The following TNRC18 variants were observed in gnomAD, a reference collection of about 807,000 sequenced individuals.
The protein encoded by TNRC18 is trinucleotide repeat-containing gene 18 protein.
A neutral mutation model predicts 226.7 loss-of-function variants in TNRC18; 69 were observed. The ratio of observed to expected loss-of-function variants is 0.30; its 90% CI spans 0.25 to 0.37. The LOEUF (loss-of-function observed/expected upper bound fraction) is 0.37, where lower values mean the gene tolerates loss of function less well. TNRC18 is among the 10% of genes least tolerant of loss of function. The pLI, the probability that TNRC18 is intolerant of heterozygous loss-of-function variation, is 1.00. For synonymous variants in TNRC18, 2,449 were observed against 1,927.6 expected (o/e 1.27, Z -7.09); for missense variants, 4,754 against 4,256.6 (o/e 1.12, Z -3.25).
At chr7:5,387,646 G>T (rs781319379) in intron 5 of TNRC18, 26 bp downstream of exon 5, 78 of 1,600,358 alleles carry the variant, frequency 4.9e-5, no homozygotes, top group Non-Finnish European at 5.8e-5. Flanking sequence ...GATCCTACCC[G>T]CACCTGGGCT....
At chr7:5,366,606 G>T (rs111343680) in intron 11 of TNRC18, among the ~76,000 whole-genome samples, 255 of 152,230 alleles carry the variant, frequency 1.7e-3, no homozygotes, top group African/African-American at 6.0e-3. Context: ...TTCCAGGCGT[G>T]AGCCACCGCG....
intron 18 of TNRC18, among the ~76,000 whole-genome samples, chr7:5,339,540 AAT>A (rs1491506145): frequency 1.0e-5 from 1 of 95,412 alleles, no homozygotes; most frequent in Non-Finnish European, 2.0e-5. Context: ...GTGCCCAGCC[AAT>A]GTGTGTGTGT....
chr7:5,337,236 G>GA (rs113053048), intron 18 of TNRC18, among the ~76,000 whole-genome samples: 3,258 of 134,056 alleles, frequency 0.024, 91 homozygotes, highest in African/African-American at 0.071. Flanking sequence ...AGGACTCAAA[G>GA]AAAAAAAAAA....
chr7:5,355,076 C>G (rs981189882), intron 16 of TNRC18, among the ~76,000 whole-genome samples: 1 of 152,210 alleles, frequency 6.6e-6, no homozygotes, highest in Non-Finnish European at 1.5e-5. Context: ...AGAACAAACA[C>G]CACTGACACT....
Position 5,375,941 on chromosome 7 carries a change from T to C in TNRC18, c.2799+93A>G, listed in dbSNP as rs1794627237. 5 of 1,297,956 alleles carry C rather than the reference T, an allele frequency of 3.9e-6. No homozygotes were observed. In the East Asian group the frequency reaches 1.0e-4, roughly 27 times the overall value. The allele number at this position is 1,297,956 out of a possible 1,614,324, so 80.4% of individuals were successfully genotyped here. On this transcript the variant is annotated intron_variant, in intron 9 of 29. Transcript: ENST00000430969. ...GCCCCTCTGCTGTTTTCTCCCTCCC[T>C]GTAACTGTCTGGAGATTCTGCTGGC...
At chr7:5,398,239 C>G (rs201959866) in intron 2 of TNRC18, among the ~76,000 whole-genome samples, 8 of 151,802 alleles carry the variant, frequency 5.3e-5, no homozygotes, top group Non-Finnish European at 4.4e-5. Context: ...GGCGCGATCT[C>G]GGCTCACCGC....
At chr7:5,360,831 G>A (rs1792957965) in intron 14 of TNRC18, among the ~76,000 whole-genome samples, 1 of 152,150 alleles carries the variant, frequency 6.6e-6, no homozygotes, top group African/African-American at 2.4e-5. Context: ...GTTTTATCCT[G>A]AGAAGAACTG....
chr7:5,422,070 ATTATTT>A (rs1040161764), intron 1 of TNRC18, among the ~76,000 whole-genome samples: 18 of 151,976 alleles, frequency 1.2e-4, no homozygotes, highest in African/African-American at 4.4e-4. Flanking sequence ...AAGCGGGTTT[ATTATTT>A]TTAAAGAGGC....
chr7:5,352,593 A>G (rs1791941553), intron 16 of TNRC18, among the ~76,000 whole-genome samples: 2 of 152,238 alleles, frequency 1.3e-5, no homozygotes, highest in Admixed American at 6.5e-5. Context: ...AGGCCACAGT[A>G]AGGGTGTTTA....
chr7:5,376,964 T>C lies in TNRC18; in HGVS notation c.2491A>G (p.Met831Val), dbSNP rs1382339974. Residue 831 changes from methionine (M) to valine (V), a missense_variant, in exon 8 of 30, where the codon ATG becomes GTG. Met to Val is a conservative substitution (Grantham distance 21). Transcript: ENST00000430969. ...AGGCCAGGTGGGAACGCAGGGGCCA[T>C]GCCCTGGTGCAGAGATGGGGGACCC... ...GLGPPSLHQG[M>V]APAFPPGLGG... The C allele has an allele frequency of 6.3e-7, 1 of 1,587,236 alleles. No homozygotes were observed. Among genetic ancestry groups the C allele is most frequent in the South Asian group, 1.1e-5 (1 of 87,118 alleles).
Position 5,377,320 on chromosome 7 carries a change from C to CCCCCCCCCCCCCCCACCCA in TNRC18, c.2461+50_2461+51insTGGGTGGGGGGGGGGGGGG. The stretch of plus-strand genomic sequence containing the variant: ...CTGAGCTCTTGTCCTGCACCCGCCC[C>CCCCCCCCCCCCCCCACCCA]CTCCCACCCCTCCCTCAGAGAAGGG... On this transcript the variant is annotated intron_variant, in intron 7 of 29. Coordinates refer to ENST00000430969, the MANE Select transcript of TNRC18 (RefSeq NM_001080495.3). This position sits in a 1 kb window ranked among gnomAD's most constrained non-coding sequence, Gnocchi z 5.8. 9.5e-7 allele frequency: 1 copy of CCCCCCCCCCCCCCCACCCA among 1,049,590 alleles called. No individual in the cohort carries two copies. Among genetic ancestry groups the CCCCCCCCCCCCCCCACCCA allele is most frequent in the Non-Finnish European group, 1.4e-6 (1 of 723,708 alleles). 65.0% of individuals were successfully genotyped at this position (1,049,590 alleles called of 1,614,324 possible). A position where few individuals can be genotyped will look rare whatever the true frequency, so the allele number is the denominator to read the frequency against.
chr7:5,359,628 G>A (rs530942894), intron 14 of TNRC18, 59 bp from the exon 15 acceptor site: 3 of 1,603,332 alleles, frequency 1.9e-6, no homozygotes, highest in Admixed American at 1.7e-5. Context: ...GCAGGCTGAG[G>A]TCCACCCTCA....
At chr7:5,399,902 C>T (rs535715950) in intron 2 of TNRC18, among the ~76,000 whole-genome samples, 11 of 150,732 alleles carry the variant, frequency 7.3e-5, no homozygotes, top group African/African-American at 2.2e-4. Flanking sequence ...ATTAGCTGGG[C>T]GTGGTGGCAG....
intron 21 of TNRC18, among the ~76,000 whole-genome samples, chr7:5,321,792 C>A (rs1428067955): frequency 6.6e-6 from 1 of 151,794 alleles, no homozygotes; most frequent in Non-Finnish European, 1.5e-5. Context: ...CTGCCTCAGC[C>A]TCCCAAGCAG....
rs1377170099 is a variant in TNRC18 at position 5,415,353 on chromosome 7, C to T, written c.187+5707G>A. Among the ~76,000 whole-genome samples, 10 of 142,518 alleles carry T rather than the reference C, an allele frequency of 7.0e-5. No homozygotes were observed. In the East Asian group the frequency reaches 2.2e-3, roughly 32 times the overall value. The allele number at this position is 142,518 out of a possible 152,430, so 93.5% of individuals were successfully genotyped here. On this transcript the variant is annotated intron_variant, in intron 2 of 29. Coordinates refer to ENST00000430969, the MANE Select transcript of TNRC18 (RefSeq NM_001080495.3). ...CAGACCTTTACCATTTTGTTTACTG[C>T]GTGGTCTGTGTCCCTCTTTTTTTTT...
At chr7:5,420,889 C>T (rs1782533794) in intron 2 of TNRC18, 171 bp downstream of exon 2, 1 of 855,824 alleles carries the variant, frequency 1.2e-6, no homozygotes, top group Middle Eastern at 2.1e-4. Flanking sequence ...CTCTCCACCG[C>T]CTTGGCTCCG....
At position 5,356,825 on chromosome 7, in the gene TNRC18, A is replaced by AG. The variant is rs869284029; in HGVS notation, c.5194+90dup. The AG allele has an allele frequency of 4.5e-4, 484 of 1,086,570 alleles. 3 individuals carry two copies. The African/African-American group carries it at 0.015, about 34-fold the overall frequency. 67.3% of individuals were successfully genotyped at this position (1,086,570 alleles called of 1,614,324 possible). A position where few individuals can be genotyped will look rare whatever the true frequency, so the allele number is the denominator to read the frequency against. ...GAGAGCGAGAGCGAGAGAGAGAGTGAGGGGCGGGGGGGGAAGGAGGACGGT... is the reference window on the plus strand; with the variant it reads ...GAGAGCGAGAGCGAGAGAGAGAGTGAGGGGGCGGGGGGGGAAGGAGGACGGT... On this transcript the variant is annotated intron_variant, in intron 16 of 29. Coordinates refer to ENST00000430969, the MANE Select transcript of TNRC18 (RefSeq NM_001080495.3).
In TNRC18 at chr7:5,414,648, G is replaced by A. The variant is rs991151940; in HGVS notation, c.187+6412C>T. 3.3e-5 allele frequency among the ~76,000 whole-genome samples: 5 copies of A among 152,036 alleles called. No individual in the cohort carries two copies. The East Asian group carries it at 5.8e-4, about 18-fold the overall frequency. ...AGGATGGTCTCGATCTCCTGACCTC[G>A]TGATCCACCCGCCTCAGCCTCCCAA... On this transcript the variant is annotated intron_variant, in intron 2 of 29. Transcript: ENST00000430969.
rs1779900758 is a variant in TNRC18 at position 5,387,703 on chromosome 7, CTGG to C, written c.2118_2120del (p.Asp706_Gln707delinsGlu). 1 of 1,605,484 alleles carries C rather than the reference CTGG, an allele frequency of 6.2e-7. No individual in the cohort carries two copies. The highest frequency in any genetic ancestry group is 8.5e-7 in the Non-Finnish European group (1 of 1,179,860). ...CGTTACTCAGCGACAGAGAGCGCTC[CTGG>C]TCTACCAGCCCAGGCCCCAGCCGGC... is the stretch of plus-strand genomic sequence containing the variant. On this transcript the variant is annotated inframe_deletion, in exon 5 of 30. Coordinates refer to ENST00000430969, the MANE Select transcript of TNRC18 (RefSeq NM_001080495.3).
Sources: allele counts gnomAD v4.1 joint callset (sites outside exome capture counted in the v4.1 genomes callset), GRCh38; gene constraint gnomAD v4.1.1; non-coding constraint Gnocchi (gnomAD v3.1); transcripts MANE v1.5; gene names NCBI Gene and HGNC (gene_info 2026-07-23, HGNC 2026-07-21).